GBE1: variants seen among roughly 807,000 people sequenced by gnomAD.
GBE1 encodes the protein 1,4-alpha-glucan-branching enzyme.
In GBE1, 70 loss-of-function variants were observed where a neutral mutation model predicts 88.8. The observed-to-expected ratio is 0.79, with a 90% CI of 0.65 to 0.96. The LOEUF is 0.96. Ranked by LOEUF, GBE1 falls within the 40% of genes least tolerant of loss-of-function variation. The probability of loss-of-function intolerance (pLI) is 0.00; values close to 1 mark genes in which losing one functional copy is unlikely to be tolerated. For missense variants in GBE1, 872 were observed against 871.0 expected (o/e 1.00, Z -0.01); for synonymous variants, 284 against 300.1 (o/e 0.95, Z 0.56).
At chr3:81,713,001 T>A (rs1027510891) in intron 1 of GBE1, among the ~76,000 whole-genome samples, 4 of 152,206 alleles carry the variant, frequency 2.6e-5, no homozygotes, top group Non-Finnish European at 5.9e-5. Context: ...AGGGCAATTA[T>A]TCGACAAAAA....
At chr3:81,752,558 A>G (rs1706544746) in intron 1 of GBE1, among the ~76,000 whole-genome samples, 1 of 152,166 alleles carries the variant, frequency 6.6e-6, no homozygotes, top group Non-Finnish European at 1.5e-5. Context: ...TACCTCTCTC[A>G]ATAAAAGGAG....
chr3:81,496,292 A>T (rs1196954642), intron 15 of GBE1, among the ~76,000 whole-genome samples: 1 of 152,216 alleles, frequency 6.6e-6, no homozygotes, highest in African/African-American at 2.4e-5. Flanking sequence ...CCAGCTTCAC[A>T]GTTTCAACTG....
intron 15 of GBE1, among the ~76,000 whole-genome samples, chr3:81,490,996 A>T (rs2126220): frequency 1.3e-5 from 2 of 152,102 alleles, no homozygotes; most frequent in African/African-American, 4.8e-5. Flanking sequence ...ATGGCATGCA[A>T]AGCCCTGACT....
At chr3:81,750,534 T>TAC (rs1267214174) in intron 1 of GBE1, among the ~76,000 whole-genome samples, 2 of 75,994 alleles carry the variant, frequency 2.6e-5, no homozygotes, top group African/African-American at 9.0e-5. Flanking sequence ...CATATATATA[T>TAC]ATACGTATAT....
At chr3:81,629,328 T>C (rs1401758671) in intron 7 of GBE1, among the ~76,000 whole-genome samples, 1 of 151,428 alleles carries the variant, frequency 6.6e-6, no homozygotes, top group Non-Finnish European at 1.5e-5. Context: ...GGTTTCCAAT[T>C]TCATCCATGT....
chr3:81,680,668 C>T, intron 2 of GBE1, among the ~76,000 whole-genome samples: 1 of 152,098 alleles, frequency 6.6e-6, no homozygotes, highest in African/African-American at 2.4e-5. Flanking sequence ...TTGTATGCCC[C>T]CCAAATTCAT....
At position 81,649,893 on chromosome 3, in the gene GBE1, A is replaced by T. The variant is rs1369738793; in HGVS notation, c.458T>A (p.Ile153Asn). 5 of 1,609,580 alleles carry T rather than the reference A, an allele frequency of 3.1e-6. No homozygotes were observed. In the African/African-American group the frequency reaches 5.3e-5, roughly 17 times the overall value. ...KVVITSKSGE[I>N]LYRISPWAKY... ...TGCCCACGGTGAAATACGATACAAGATCTCTCCGCTTTTACTAGTAATAAC... is the reference window on the plus strand; with the variant it reads ...TGCCCACGGTGAAATACGATACAAGTTCTCTCCGCTTTTACTAGTAATAAC... Residue 153 changes from isoleucine (I) to asparagine (N), a missense_variant, in exon 4 of 16, where the codon ATC (isoleucine) becomes AAC (asparagine). Transcript: ENST00000429644.
At chr3:81,632,510 C>G (rs1268796250) in intron 7 of GBE1, among the ~76,000 whole-genome samples, 1 of 152,036 alleles carries the variant, frequency 6.6e-6, no homozygotes, top group African/African-American at 2.4e-5. Context: ...CAATGAGATA[C>G]CATCTCATGC....
At chr3:81,539,168 A>C (rs560778342) in intron 12 of GBE1, among the ~76,000 whole-genome samples, 1 of 152,158 alleles carries the variant, frequency 6.6e-6, no homozygotes, top group East Asian at 1.9e-4. Context: ...CTGTGAACCC[A>C]GTTAGTCTGG....
chr3:81,721,619 C>T (rs1706037498), intron 1 of GBE1, among the ~76,000 whole-genome samples: 1 of 152,158 alleles, frequency 6.6e-6, no homozygotes, highest in South Asian at 2.1e-4. Flanking sequence ...ATAAATTTAT[C>T]TGCTGACATA....
intron 7 of GBE1, among the ~76,000 whole-genome samples, chr3:81,605,320 A>G (rs1416804475): frequency 2.0e-5 from 3 of 152,170 alleles, no homozygotes; most frequent in Non-Finnish European, 4.4e-5. Context: ...TTACATATAT[A>G]TAATTTATAA....
At chr3:81,508,547 T>TA (rs997480127) in intron 14 of GBE1, among the ~76,000 whole-genome samples, 7 of 152,016 alleles carry the variant, frequency 4.6e-5, no homozygotes, top group African/African-American at 1.2e-4. Context: ...ACACTTTTTT[T>TA]AAAAAAAATT....
intron 7 of GBE1, among the ~76,000 whole-genome samples, chr3:81,602,512 T>TA (rs981220109): frequency 6.6e-6 from 1 of 152,122 alleles, no homozygotes; most frequent in Non-Finnish European, 1.5e-5. Context: ...AGGGTCCTCT[T>TA]ACGAGTTGCA....
chr3:81,491,043 C>G (rs1472471397), intron 15 of GBE1, among the ~76,000 whole-genome samples: 1 of 152,156 alleles, frequency 6.6e-6, no homozygotes, highest in Non-Finnish European at 1.5e-5. Flanking sequence ...CCCAGCTCAG[C>G]TCCTTGCTTG....
chr3:81,527,801 C>T (rs1301211892), intron 14 of GBE1, among the ~76,000 whole-genome samples: 3 of 152,030 alleles, frequency 2.0e-5, no homozygotes, highest in Non-Finnish European at 4.4e-5. Context: ...TTGTGGAAGA[C>T]AGTGTGGCGA....
chr3:81,534,116 T>A (rs1488029948), intron 14 of GBE1, among the ~76,000 whole-genome samples: 1 of 152,022 alleles, frequency 6.6e-6, no homozygotes, highest in Non-Finnish European at 1.5e-5. Flanking sequence ...AGGTGGCAGA[T>A]GCTAATCATT....
intron 14 of GBE1, among the ~76,000 whole-genome samples, chr3:81,511,488 G>A (rs1016492319): frequency 4.0e-5 from 6 of 151,474 alleles, no homozygotes; most frequent in East Asian, 3.9e-4. Flanking sequence ...CTCAACAAGC[G>A]AAAACCAAAT....
intron 1 of GBE1, among the ~76,000 whole-genome samples, chr3:81,731,945 T>C (rs1243285537): frequency 6.6e-6 from 1 of 152,130 alleles, no homozygotes; most frequent in African/African-American, 2.4e-5. Context: ...CTAAAATCTC[T>C]TCTTAATTCC....
chr3:81,642,251 G>A lies in GBE1; in HGVS notation c.992+530C>T, dbSNP rs185967749. The stretch of plus-strand genomic sequence containing the variant: ...TTTACCACATGTAAGTAGAGTTGCT[G>A]TGCAGATTAAATAAGATAAAATAGG... On this transcript the variant is annotated intron_variant, in intron 7 of 15. Coordinates refer to ENST00000429644, the MANE Select transcript of GBE1 (RefSeq NM_000158.4). Among the ~76,000 whole-genome samples, 1,009 of 152,078 alleles carry A rather than the reference G, an allele frequency of 6.6e-3. 9 individuals carry two copies. The highest frequency in any genetic ancestry group is 0.021 in the Middle Eastern group (6 of 292).
Sources: allele counts gnomAD v4.1 joint callset (sites outside exome capture counted in the v4.1 genomes callset), GRCh38; gene constraint gnomAD v4.1.1; transcripts MANE v1.5; gene names NCBI Gene and HGNC (gene_info 2026-07-23, HGNC 2026-07-21).